The following RAB25 variants were observed in gnomAD, a reference collection of about 807,000 sequenced individuals.
The protein encoded by RAB25 is ras-related protein Rab-25.
A neutral mutation model predicts 25.2 loss-of-function variants in RAB25; 23 were observed. The observed-to-expected ratio is 0.91, with a 90% CI of 0.66 to 1.29. RAB25 has a LOEUF of 1.29. Among genes scored for constraint, RAB25 ranks in the 50% most tolerant of loss-of-function variants. The pLI, the probability that RAB25 is intolerant of heterozygous loss-of-function variation, is 0.00. For missense variants in RAB25, 244 were observed against 277.3 expected (o/e 0.88, Z 0.85); for synonymous variants, 102 against 111.5 (o/e 0.91, Z 0.54).
chr1:156,068,292 G>A lies in RAB25; in HGVS notation c.262G>A (p.Ala88Thr). ...TSAYYRGAVG[A>T]LLVFDLTKHQ... Reference sequence around the variant, plus strand: ...CAGGTACTATCGTGGTGCAGTGGGGGCCCTCCTGGTGTTTGACCTAACCAA... The same window carrying A: ...CAGGTACTATCGTGGTGCAGTGGGGACCCTCCTGGTGTTTGACCTAACCAA... The change falls in exon 3 of 5, where the codon GCC becomes ACC. Residue 88 changes from alanine (A) to threonine (T), a missense_variant. By Grantham distance (58) the Ala-to-Thr change is moderately conservative (BLOSUM62 0). Transcript: ENST00000361084. The A allele has an allele frequency of 1.2e-6, 2 of 1,613,238 alleles. No homozygotes were observed. The highest frequency in any genetic ancestry group is 1.7e-6 in the Non-Finnish European group (2 of 1,179,250).
At position 156,063,440 on chromosome 1, in the gene RAB25, C is replaced by T. The variant is rs142229711; in HGVS notation, c.43+1997C>T. Among the ~76,000 whole-genome samples, 23 of 152,264 alleles carry T rather than the reference C, an allele frequency of 1.5e-4. No individual in the cohort carries two copies. In the East Asian group the frequency reaches 4.4e-3, roughly 29 times the overall value. ...TGCTGGTATTACAGGCGTGAGCCAC[C>T]GCGCCCAGCTCAATGTTTTTTTACA... On this transcript the variant is annotated intron_variant, in intron 1 of 4. Transcript: ENST00000361084.
chr1:156,064,130 A>G (rs1276801215), intron 1 of RAB25, among the ~76,000 whole-genome samples: 1 of 152,092 alleles, frequency 6.6e-6, no homozygotes, highest in Non-Finnish European at 1.5e-5. Context: ...ACACACACAC[A>G]CATATACACA....
At position 156,065,894 on chromosome 1, in the gene RAB25, T is replaced by C. The variant is rs372214716; in HGVS notation, c.44-17T>C. 1.3e-6 allele frequency: 2 copies of C among 1,571,828 alleles called. No homozygotes were observed. Among genetic ancestry groups the C allele is most frequent in the African/African-American group, 2.7e-5 (2 of 74,282 alleles). On this transcript the variant is annotated splice_polypyrimidine_tract_variant and intron_variant, in intron 1 of 4. Coordinates refer to ENST00000361084, the MANE Select transcript of RAB25 (RefSeq NM_020387.4). ...TGCTCTACCCCATGCTCAGCCCTTATCTCTCCACTCCTTCAGTGGTGCTGA... is the reference window on the plus strand; with the variant it reads ...TGCTCTACCCCATGCTCAGCCCTTACCTCTCCACTCCTTCAGTGGTGCTGA...
At chr1:156,068,903 G>T (rs1647829628) in intron 3 of RAB25, among the ~76,000 whole-genome samples, 2 of 151,638 alleles carry the variant, frequency 1.3e-5, no homozygotes, top group South Asian at 4.2e-4. Flanking sequence ...TGACCAGGCT[G>T]GTCTCGAACC....
At chr1:156,064,333 G>A (rs556838659) in intron 1 of RAB25, among the ~76,000 whole-genome samples, 2 of 151,454 alleles carry the variant, frequency 1.3e-5, no homozygotes, top group East Asian at 1.9e-4. Context: ...CACAACCTAC[G>A]GGGCTCAAAC....
intron 2 of RAB25, among the ~76,000 whole-genome samples, chr1:156,067,919 A>G (rs1484640621): frequency 6.6e-6 from 1 of 152,126 alleles, no homozygotes; most frequent in Non-Finnish European, 1.5e-5. Context: ...TGCCCGGCTA[A>G]TTTTTGTATT....
At position 156,070,165 on chromosome 1, in the gene RAB25, T is replaced by C; in HGVS notation, c.520T>C (p.Phe174Leu). 6.2e-7 allele frequency: 1 copy of C among 1,614,054 alleles called. No homozygotes were observed. Among genetic ancestry groups the C allele is most frequent in the Non-Finnish European group, 8.5e-7 (1 of 1,179,980 alleles). Residue 174 changes from phenylalanine to leucine, a missense_variant, in exon 5 of 5, where the codon TTT (phenylalanine) becomes CTT (leucine). By Grantham distance (22) the Phe-to-Leu change is conservative (BLOSUM62 0). Coordinates refer to ENST00000361084, the MANE Select transcript of RAB25 (RefSeq NM_020387.4). ...ACTGCCCTCTGCCCTCCCAGAAATC[T>C]TTGCGAAGGTGTCCAAGCAGAGACA... ...LAFETVLKEI[F>L]AKVSKQRQNS...
intron 3 of RAB25, 48 bp from the exon 4 acceptor site, chr1:156,069,623 T>G (rs548679065): frequency 1.5e-6 from 2 of 1,340,114 alleles, no homozygotes; most frequent in South Asian, 1.2e-5. Flanking sequence ...TTATTATTAT[T>G]ATTGCCTTTG....
At chr1:156,069,110 G>A (rs1485448736) in intron 3 of RAB25, among the ~76,000 whole-genome samples, 1 of 152,178 alleles carries the variant, frequency 6.6e-6, no homozygotes, top group East Asian at 1.9e-4. Context: ...GTGTTCTGGA[G>A]TCCCATGGCC....
At position 156,068,397 on chromosome 1, in the gene RAB25, G is replaced by C. The variant is rs778890858; in HGVS notation, c.367G>C (p.Val123Leu). 2 of 1,613,928 alleles carry C rather than the reference G, an allele frequency of 1.2e-6. No homozygotes were observed. The highest frequency in any genetic ancestry group is 8.5e-7 in the Non-Finnish European group (1 of 1,180,022). Residue 123 changes from valine to leucine, a missense_variant, in exon 3 of 5, where the codon GTG becomes CTG. By Grantham distance (32) the Val-to-Leu change is conservative. Transcript: ENST00000361084. ...TGAAGCCACGATCGTCGTCATGCTC[G>C]TGGGTAACAAAAGTGACCTCAGCCA... Reference protein sequence around the residue: ...HAEATIVVMLVGNKSDLSQAR... With the variant: ...HAEATIVVMLLGNKSDLSQAR...
chr1:156,067,739 G>A (rs1647782833), intron 2 of RAB25, among the ~76,000 whole-genome samples: 1 of 152,136 alleles, frequency 6.6e-6, no homozygotes, highest in South Asian at 2.1e-4. Flanking sequence ...AGAGCAGGGA[G>A]GTGAAACTTT....
Position 156,068,466 on chromosome 1 carries a change from G to T in RAB25, c.433+3G>T, listed in dbSNP as rs1332615630. ...TGAGGAGGCCCGAATGTTCGCTGGT[G>T]AGAGCCTGCCACTACCCAGGCTGAC... is the stretch of plus-strand genomic sequence containing the variant. On this transcript the variant is annotated splice_donor_region_variant and intron_variant, in intron 3 of 4. Transcript: ENST00000361084. The T allele has an allele frequency of 6.2e-7, 1 of 1,610,732 alleles. No homozygotes were observed.
chr1:156,061,438 T>C lies in RAB25; in HGVS notation c.38T>C (p.Phe13Ser), dbSNP rs1400957133. ...ACTGAGGAAGATTATAACTTTGTCTTCAAGGGTGAGTTGGGTTCCCTGAAG... is the reference window on the plus strand; with the variant it reads ...ACTGAGGAAGATTATAACTTTGTCTCCAAGGGTGAGTTGGGTTCCCTGAAG... Reference protein sequence around the residue: ...NGTEEDYNFVFKVVLIGESGV... With the variant: ...NGTEEDYNFVSKVVLIGESGV... The change falls in exon 1 of 5, where the codon TTC (phenylalanine) becomes TCC (serine). Residue 13 changes from phenylalanine (F) to serine (S), a missense_variant. Coordinates refer to ENST00000361084, the MANE Select transcript of RAB25 (RefSeq NM_020387.4). The C allele has an allele frequency of 6.2e-7, 1 of 1,613,844 alleles. No individual in the cohort carries two copies. The highest frequency in any genetic ancestry group is 8.5e-7 in the Non-Finnish European group (1 of 1,179,932).
chr1:156,068,442 G>A lies in RAB25; in HGVS notation c.412G>A (p.Glu138Lys), dbSNP rs1324646201. The A allele has an allele frequency of 6.2e-7, 1 of 1,613,470 alleles. No individual in the cohort carries two copies. ...CAGCCAGGCCCGGGAAGTGCCCACT[G>A]AGGAGGCCCGAATGTTCGCTGGTGA... ...DLSQAREVPT[E>K]EARMFAENNG... Residue 138 changes from glutamate (E) to lysine (K), a missense_variant, in exon 3 of 5, where the codon GAG becomes AAG. Physicochemically the swap from Glu to Lys is moderately conservative, Grantham distance 56 (BLOSUM62 1). Coordinates refer to ENST00000361084, the MANE Select transcript of RAB25 (RefSeq NM_020387.4).
chr1:156,061,584 A>G lies in RAB25; in HGVS notation c.43+141A>G. On this transcript the variant is annotated intron_variant, in intron 1 of 4. Transcript: ENST00000361084. ...CTCATTCCTTCAGAAAGAAAGCTGC[A>G]GGGAGTGGGGGAGGGTCTGGTTGCA... 4.5e-6 allele frequency: 4 copies of G among 888,720 alleles called. No individual in the cohort carries two copies. In the South Asian group the frequency reaches 4.6e-5, roughly 10 times the overall value. The allele number at this position is 888,720 out of a possible 1,614,324, so 55.1% of individuals were successfully genotyped here.
intron 3 of RAB25, 72 bp downstream of exon 3, chr1:156,068,535 C>T (rs1375721038): frequency 2.0e-6 from 3 of 1,477,074 alleles, no homozygotes; most frequent in Non-Finnish European, 2.8e-6. Context: ...CTCCCAGCCC[C>T]TGCCCCCACC....
chr1:156,062,846 G>C (rs1647622363), intron 1 of RAB25, among the ~76,000 whole-genome samples: 1 of 151,900 alleles, frequency 6.6e-6, no homozygotes, highest in Admixed American at 6.6e-5. Flanking sequence ...TTAAGGTCTG[G>C]AGTTCCAGAC....
intron 2 of RAB25, 71 bp from the exon 3 acceptor site, chr1:156,068,199 A>G: frequency 7.4e-7 from 1 of 1,352,868 alleles, no homozygotes; most frequent in Non-Finnish European, 1.0e-6. Context: ...TTCCAGCTTG[A>G]CGGCTCTGCT....
chr1:156,066,872 G>A (rs754032448), intron 2 of RAB25, among the ~76,000 whole-genome samples: 8 of 152,158 alleles, frequency 5.3e-5, no homozygotes, highest in East Asian at 1.9e-4. Context: ...CCCGGGAGGC[G>A]GAAGTTGCAG....
Sources: allele counts gnomAD v4.1 joint callset (sites outside exome capture counted in the v4.1 genomes callset), GRCh38; gene constraint gnomAD v4.1.1; transcripts MANE v1.5; gene names NCBI Gene and HGNC (gene_info 2026-07-23, HGNC 2026-07-21).